The following RBM20 variants were observed in gnomAD, a reference collection of about 807,000 sequenced individuals.
RBM20 encodes RNA binding motif protein 20.
RBM20 carries 51 observed loss-of-function variants against 110.1 expected under a neutral mutation model. The observed-to-expected ratio is 0.46, with a 90% CI of 0.37 to 0.59. RBM20 has a LOEUF of 0.59. Ranked by LOEUF, RBM20 falls within the 20% of genes least tolerant of loss-of-function variation. The pLI, the probability that RBM20 is intolerant of heterozygous loss-of-function variation, is 0.00. For synonymous variants in RBM20, 589 were observed against 618.2 expected (o/e 0.95, Z 0.70); for missense variants, 1,512 against 1,574.9 (o/e 0.96, Z 0.68).
At chr10:110,779,118 T>C (rs189783419) in intron 1 of RBM20, among the ~76,000 whole-genome samples, 2 of 152,340 alleles carry the variant, frequency 1.3e-5, no homozygotes, top group East Asian at 3.9e-4. Context: ...AAATATCTTT[T>C]TGTATGCTAA....
intron 1 of RBM20, among the ~76,000 whole-genome samples, chr10:110,767,128 T>C (rs1228525285): frequency 2.4e-5 from 2 of 83,746 alleles, no homozygotes; most frequent in South Asian, 4.4e-4. Context: ...CCCCCCCACC[T>C]CCCTCCCGGA....
intron 1 of RBM20, among the ~76,000 whole-genome samples, chr10:110,700,864 A>C (rs1191506381): frequency 6.6e-6 from 1 of 152,116 alleles, no homozygotes; most frequent in Non-Finnish European, 1.5e-5. Context: ...AAAATAAAAA[A>C]ATTAGCCAGC....
rs548669502 is a variant in RBM20, at chr10:110,767,136, G to A, written c.192-13665G>A. On this transcript the variant is annotated intron_variant, in intron 1 of 13. Coordinates refer to ENST00000369519, the MANE Select transcript of RBM20 (RefSeq NM_001134363.3). ...GGCTGACCCCCCCCACCTCCCTCCC[G>A]GATGGGGTGGCTGGCCGGGCGGGGG... 8.2e-4 allele frequency among the ~76,000 whole-genome samples: 88 copies of A among 106,804 alleles called. 1 individual carries two copies. Among genetic ancestry groups the A allele is most frequent in the African/African-American group, 2.7e-3 (78 of 28,380 alleles). The allele number at this position is 106,804 out of a possible 152,430, so 70.1% of individuals were successfully genotyped here. A position where few individuals can be genotyped will look rare whatever the true frequency, so the allele number is the denominator to read the frequency against.
chr10:110,714,102 A>G (rs926453937), intron 1 of RBM20, among the ~76,000 whole-genome samples: 6 of 152,138 alleles, frequency 3.9e-5, no homozygotes, highest in Non-Finnish European at 2.9e-5. Context: ...AAGATGGGCT[A>G]TGGGAAGAGG....
chr10:110,674,038 T>A (rs981055545), intron 1 of RBM20, among the ~76,000 whole-genome samples: 1 of 152,214 alleles, frequency 6.6e-6, no homozygotes, highest in Non-Finnish European at 1.5e-5. Context: ...TCCTCCTTCC[T>A]GCATTTTTAT....
At chr10:110,749,260 G>A (rs1054764808) in intron 1 of RBM20, among the ~76,000 whole-genome samples, 5 of 152,190 alleles carry the variant, frequency 3.3e-5, no homozygotes, top group African/African-American at 9.7e-5. Flanking sequence ...TACTTTCAAC[G>A]AGTTGCTTAC....
At chr10:110,767,256 C>G (rs1844109867) in intron 1 of RBM20, among the ~76,000 whole-genome samples, 2 of 139,120 alleles carry the variant, frequency 1.4e-5, no homozygotes, top group South Asian at 4.7e-4. Flanking sequence ...GCTGGCCGGG[C>G]AGAGGGGCTC....
At position 110,784,817 on chromosome 10, in the gene RBM20, A is replaced by G. The variant is rs751559376; in HGVS notation, c.1455A>G (p.Ser485=). The change falls in exon 5 of 14, where the codon TCA becomes TCG. Residue 485 remains serine (S), a synonymous_variant. Transcript: ENST00000369519. ...NEDYASNLGT[S]YVPIPARSFT... Reference sequence around the variant, plus strand: ...ATTATGCCTCAAATCTTGGAACATCATACGTGCCCATTCCAGCAAGGTCAT... The same window carrying G: ...ATTATGCCTCAAATCTTGGAACATCGTACGTGCCCATTCCAGCAAGGTCAT... 9.7e-5 allele frequency: 151 copies of G among 1,550,896 alleles called. No individual in the cohort carries two copies. The highest frequency in any genetic ancestry group is 3.2e-4 in the East Asian group (13 of 40,924).
chr10:110,792,913 C>T (rs999932831), intron 5 of RBM20, among the ~76,000 whole-genome samples: 1 of 152,168 alleles, frequency 6.6e-6, no homozygotes, highest in Non-Finnish European at 1.5e-5. Flanking sequence ...AGAGGACAAA[C>T]ATTACATTCA....
intron 1 of RBM20, among the ~76,000 whole-genome samples, chr10:110,754,133 A>G (rs1046912298): frequency 6.6e-6 from 1 of 152,120 alleles, no homozygotes; most frequent in Non-Finnish European, 1.5e-5. Context: ...AGAATTATAG[A>G]TTTGTCATTA....
At chr10:110,649,936 A>T (rs570776670) in intron 1 of RBM20, among the ~76,000 whole-genome samples, 9 of 152,218 alleles carry the variant, frequency 5.9e-5, no homozygotes, top group Non-Finnish European at 1.0e-4. Context: ...ATCCTAATTA[A>T]GAAGACATGT....
At chr10:110,777,654 T>G (rs1414695856) in intron 1 of RBM20, among the ~76,000 whole-genome samples, 3 of 152,230 alleles carry the variant, frequency 2.0e-5, no homozygotes, top group Non-Finnish European at 2.9e-5. Flanking sequence ...AAGGACAGGT[T>G]TCCCATGGCT....
chr10:110,759,927 C>T (rs1843973161), intron 1 of RBM20, among the ~76,000 whole-genome samples: 1 of 152,178 alleles, frequency 6.6e-6, no homozygotes, highest in Admixed American at 6.5e-5. Context: ...GAGCCAAGCC[C>T]ACCTCCATGG....
chr10:110,810,348 CTCTGA>C, intron 7 of RBM20, 30 bp from the exon 8 acceptor site: 1 of 1,510,690 alleles, frequency 6.6e-7, no homozygotes, highest in Non-Finnish European at 9.0e-7. Flanking sequence ...GCAAGGCCAT[CTCTGA>C]TCTGATGGTG....
chr10:110,700,352 A>C (rs1862739262), intron 1 of RBM20, among the ~76,000 whole-genome samples: 1 of 152,236 alleles, frequency 6.6e-6, no homozygotes, highest in Non-Finnish European at 1.5e-5. Context: ...GTTTCATCCA[A>C]GTTTCAGCCT....
chr10:110,792,649 G>GA (rs1844499185), intron 5 of RBM20, among the ~76,000 whole-genome samples: 1 of 152,160 alleles, frequency 6.6e-6, no homozygotes, highest in Non-Finnish European at 1.5e-5. Flanking sequence ...ACACACACTT[G>GA]ACATGAGTCT....
At chr10:110,823,316 G>T (rs1387581141) in intron 11 of RBM20, among the ~76,000 whole-genome samples, 164 bp from the exon 12 acceptor site, 1 of 152,010 alleles carries the variant, frequency 6.6e-6, no homozygotes, top group Non-Finnish European at 1.5e-5. Context: ...CAGTGCTTTG[G>T]TTCTAATTAG....
At position 110,780,849 on chromosome 10, in the gene RBM20, C is replaced by T; in HGVS notation, c.240C>T (p.Asn80=). 4 of 1,546,620 alleles carry T rather than the reference C, an allele frequency of 2.6e-6. 1 individual carries two copies. The South Asian group carries it at 4.8e-5, about 18-fold the overall frequency. The part of the protein sequence containing the change: ...DKNPFSVSNP[N]PLLPSPASLQ... Reference sequence around the variant, plus strand: ...ACCCATTCTCGGTCAGTAACCCGAACCCTCTGCTTCCTTCACCTGCCAGTC... The same window carrying T: ...ACCCATTCTCGGTCAGTAACCCGAATCCTCTGCTTCCTTCACCTGCCAGTC... The change falls in exon 2 of 14, where the codon AAC becomes AAT. Residue 80 remains asparagine, a synonymous_variant. Transcript: ENST00000369519.
chr10:110,789,080 G>A (rs1844453865), intron 5 of RBM20, among the ~76,000 whole-genome samples: 1 of 152,198 alleles, frequency 6.6e-6, no homozygotes, highest in Non-Finnish European at 1.5e-5. Flanking sequence ...CCATTTACAT[G>A]CATCTTTTCA....
Sources: gnomAD v4.1 joint callset for allele counts (sites outside exome capture counted in the v4.1 genomes callset) on GRCh38, gnomAD v4.1.1 for gene constraint, MANE v1.5 for transcripts, NCBI Gene and HGNC (gene_info 2026-07-23, HGNC 2026-07-21) for gene names.